GAS2L2: variants seen among roughly 807,000 people sequenced by gnomAD.
GAS2L2 encodes the protein growth arrest specific 2 like 2, also known as GAS2-like protein 2.
A neutral mutation model predicts 35.2 loss-of-function variants in GAS2L2; 21 were observed. The ratio of observed to expected loss-of-function variants is 0.60; its 90% CI spans 0.42 to 0.86. The LOEUF is 0.86. GAS2L2 is among the 40% of genes least tolerant of loss of function. The pLI is 0.00. For missense variants in GAS2L2, 1,169 were observed against 1,144.4 expected (o/e 1.02, Z -0.31); for synonymous variants, 490 against 473.2 (o/e 1.04, Z -0.46).
chr17:35,749,929 T>A, intron 2 of GAS2L2, 148 bp downstream of exon 2: 1 of 727,002 alleles, frequency 1.4e-6, no homozygotes, highest in Non-Finnish European at 2.3e-6. Flanking sequence ...AGTGGAACCG[T>A]GCCTTAAAGC....
At chr17:35,746,725 A>G (rs2085670766) in intron 5 of GAS2L2, among the ~76,000 whole-genome samples, 1 of 152,202 alleles carries the variant, frequency 6.6e-6, no homozygotes, top group Non-Finnish European at 1.5e-5. Context: ...GTGGAGAGAC[A>G]GAGGGGAATG....
Position 35,744,920 on chromosome 17 carries a change from T to G in GAS2L2, c.2577A>C (p.Pro859=). The G allele has an allele frequency of 6.2e-7, 1 of 1,613,424 alleles. No homozygotes were observed. The highest frequency in any genetic ancestry group is 8.5e-7 in the Non-Finnish European group (1 of 1,179,658). ...TAAGCCAGTGAGGTTGCAGGCCCTCTGGAGGTTGGGGGCTGCTCTCCAATG... is the reference window on the plus strand; with the variant it reads ...TAAGCCAGTGAGGTTGCAGGCCCTCGGGAGGTTGGGGGCTGCTCTCCAATG... The part of the protein sequence containing the change: ...AAPLESSPQP[P]EGLQPHWLNQ... Residue 859 remains proline, a synonymous_variant, in exon 6 of 6, where the codon CCA becomes CCC. Transcript: ENST00000604641.
intron 5 of GAS2L2, 38 bp from the exon 6 acceptor site, chr17:35,746,449 A>T (rs781944097): frequency 3.1e-6 from 4 of 1,287,514 alleles, no homozygotes; most frequent in Non-Finnish European, 4.0e-6. Flanking sequence ...AGGGAGACTC[A>T]TCAGGCCGGC....
At position 35,746,411 on chromosome 17, in the gene GAS2L2, C is replaced by T. The variant is rs2085669083; in HGVS notation, c.1086G>A (p.Arg362=). The change falls in exon 6 of 6, where the codon AGG becomes AGA. Residue 362 remains arginine, a splice_region_variant and synonymous_variant. Transcript: ENST00000604641. The part of the protein sequence containing the change: ...GASREMAPFL[R]CQERSLIPSW... ...ATGGGATGAGAGACCTCTCCTGGCA[C>T]CTGAAAGGGAGAATCACAAGGCTGC... 2.3e-6 allele frequency: 3 copies of T among 1,332,492 alleles called. No individual in the cohort carries two copies. Among genetic ancestry groups the T allele is most frequent in the Non-Finnish European group, 1.9e-6 (2 of 1,032,412 alleles). 82.5% of individuals were successfully genotyped at this position (1,332,492 alleles called of 1,614,324 possible).
At position 35,745,318 on chromosome 17, in the gene GAS2L2, A is replaced by AGT; in HGVS notation, c.2177_2178dup (p.Cys727ThrfsTer30). On this transcript the variant is annotated frameshift_variant, in exon 6 of 6. Coordinates refer to ENST00000604641, the MANE Select transcript of GAS2L2 (RefSeq NM_139285.4). LOFTEE classifies it low-confidence loss of function (END_TRUNC). ...CTGGCAGACACAGTAGAAGCCGAGC[A>AGT]GTCCTGCCCTCCCTGAGGTGGGACC... 6.2e-7 allele frequency: 1 copy of AGT among 1,611,066 alleles called. No individual in the cohort carries two copies. Among genetic ancestry groups the AGT allele is most frequent in the South Asian group, 1.1e-5 (1 of 90,752 alleles).
intron 3 of GAS2L2, among the ~76,000 whole-genome samples, chr17:35,748,830 T>C (rs587719324): frequency 6.6e-6 from 1 of 152,236 alleles, no homozygotes; most frequent in Admixed American, 6.5e-5. Flanking sequence ...GTGGTGGCTC[T>C]GGCTGCCCTG....
At chr17:35,751,741 C>A (rs1449099898) in intron 1 of GAS2L2, among the ~76,000 whole-genome samples, 2 of 151,516 alleles carry the variant, frequency 1.3e-5, no homozygotes, top group African/African-American at 2.4e-5. Flanking sequence ...TCCACCTAAT[C>A]AGGCTGCTAT....
chr17:35,745,311 G>T lies in GAS2L2; in HGVS notation c.2186C>A (p.Ala729Asp), dbSNP rs1555598704. Residue 729 changes from alanine to aspartate, a missense_variant, in exon 6 of 6, where the codon GCT becomes GAT. Physicochemically the swap from Ala to Asp is moderately radical, Grantham distance 126. This residue lies in a region of GAS2L2 where 1,035 missense variants were observed against 976.5 expected (regional missense o/e 1.06). Coordinates refer to ENST00000604641, the MANE Select transcript of GAS2L2 (RefSeq NM_139285.4). ...CTCCGGGCTGGCAGACACAGTAGAA[G>T]CCGAGCAGTCCTGCCCTCCCTGAGG... is the stretch of plus-strand genomic sequence containing the variant. Reference protein sequence around the residue: ...VPPQGGQDCSASTVSASPEAP... With the variant: ...VPPQGGQDCSDSTVSASPEAP... 1 of 1,612,222 alleles carries T rather than the reference G, an allele frequency of 6.2e-7. No homozygotes were observed. Among genetic ancestry groups the T allele is most frequent in the Non-Finnish European group, 8.5e-7 (1 of 1,178,970 alleles).
At chr17:35,748,979 C>CCATATTCT in intron 3 of GAS2L2, 131 bp downstream of exon 3, 1 of 628,610 alleles carries the variant, frequency 1.6e-6, no homozygotes, top group South Asian at 1.9e-5. Context: ...GGACAAAGTC[C>CCATATTCT]CATATTCTGG....
At chr17:35,748,853 G>A (rs992130112) in intron 3 of GAS2L2, among the ~76,000 whole-genome samples, 1 of 152,218 alleles carries the variant, frequency 6.6e-6, no homozygotes, top group Admixed American at 6.5e-5. Flanking sequence ...GGGAGGAGGA[G>A]ATAGGCTTGC....
chr17:35,744,990 C>G lies in GAS2L2; in HGVS notation c.2507G>C (p.Gly836Ala). ...EASRVDGASV[G>A]EEEEEGKEEK... Reference sequence around the variant, plus strand: ...CTCCTTTCCTTCCTCCTCCTCCTCACCTACTGAAGCTCCATCCACCCGGGA... The same window carrying G: ...CTCCTTTCCTTCCTCCTCCTCCTCAGCTACTGAAGCTCCATCCACCCGGGA... The change falls in exon 6 of 6, where the codon GGT becomes GCT. Residue 836 changes from glycine to alanine, a missense_variant. By Grantham distance (60) the Gly-to-Ala change is moderately conservative. This residue lies in a region of GAS2L2 where 1,035 missense variants were observed against 976.5 expected (regional missense o/e 1.06). Coordinates refer to ENST00000604641, the MANE Select transcript of GAS2L2 (RefSeq NM_139285.4). 6.2e-7 allele frequency: 1 copy of G among 1,614,166 alleles called. No homozygotes were observed.
rs2085709973 is a variant in GAS2L2 at position 35,752,547 on chromosome 17, C to T, written c.304G>A (p.Ala102Thr). ...MPRVGVSCNG[A>T]AQPGTFQARD... ...GCCTGGAAGGTACCTGGCTGGGCGGCCCCATTGCAGGAGACCCCGACCCGG... is the reference window on the plus strand; with the variant it reads ...GCCTGGAAGGTACCTGGCTGGGCGGTCCCATTGCAGGAGACCCCGACCCGG... Residue 102 changes from alanine (A) to threonine (T), a missense_variant, in exon 1 of 6, where the codon GCC (alanine) becomes ACC (threonine). By Grantham distance (58) the Ala-to-Thr change is moderately conservative. Around this residue, in one of 3 missense-constraint regions of GAS2L2, gnomAD observed 127 missense variants for 146.1 expected, o/e 0.87. Transcript: ENST00000604641. 1 of 1,613,486 alleles carries T rather than the reference C, an allele frequency of 6.2e-7. No homozygotes were observed.
In GAS2L2 at chr17:35,747,896, A is replaced by C. The variant is rs147743370; in HGVS notation, c.785T>G (p.Leu262Arg). The C allele has an allele frequency of 6.2e-7, 1 of 1,613,854 alleles. No individual in the cohort carries two copies. The highest frequency in any genetic ancestry group is 8.5e-7 in the Non-Finnish European group (1 of 1,179,918). Reference sequence around the variant, plus strand: ...GTCATGTTTGTCCAGGTAATGGCCCAGTGTGTCCCAGCCGCCCCCTACACG... The same window carrying C: ...GTCATGTTTGTCCAGGTAATGGCCCCGTGTGTCCCAGCCGCCCCCTACACG... ...MVRVGGGWDT[L>R]GHYLDKHDPC... Residue 262 changes from leucine (L) to arginine (R), a missense_variant, in exon 4 of 6, where the codon CTG becomes CGG. Leu to Arg is a moderately radical substitution (Grantham distance 102). Transcript: ENST00000604641.
intron 1 of GAS2L2, 22 bp downstream of exon 1, chr17:35,752,444 G>C: frequency 2.6e-6 from 4 of 1,552,574 alleles, no homozygotes; most frequent in Non-Finnish European, 3.5e-6. Flanking sequence ...CTGGAATGGG[G>C]ACGAGGGTGC....
At position 35,746,172 on chromosome 17, in the gene GAS2L2, G is replaced by A. The variant is rs144556689; in HGVS notation, c.1325C>T (p.Ala442Val). The change falls in exon 6 of 6, where the codon GCC (alanine) becomes GTC (valine). Residue 442 changes from alanine to valine, a missense_variant. Physicochemically the swap from Ala to Val is moderately conservative, Grantham distance 64. Around this residue, in one of 3 missense-constraint regions of GAS2L2, gnomAD observed 1,035 missense variants for 976.5 expected, o/e 1.06. Transcript: ENST00000604641. ...TATCCCTTTGGTGGTGGCCTCAATG[G>A]CTCGGAGTCTTTGTGGGGTGGGGTT... ...AGNPTPQRLRAIEATTKGISA... is the reference protein window; with the variant it reads ...AGNPTPQRLRVIEATTKGISA... 3 of 1,490,554 alleles carry A rather than the reference G, an allele frequency of 2.0e-6. No homozygotes were observed. The highest frequency in any genetic ancestry group is 1.8e-6 in the Non-Finnish European group (2 of 1,119,138). 92.3% of individuals were successfully genotyped at this position (1,490,554 alleles called of 1,614,324 possible).
chr17:35,748,008 C>T (rs1381680013), intron 3 of GAS2L2, 63 bp from the exon 4 acceptor site: 14 of 1,256,438 alleles, frequency 1.1e-5, no homozygotes, highest in Non-Finnish European at 1.5e-5. Flanking sequence ...TGGACCAGCT[C>T]GCGGGCTTCC....
chr17:35,749,679 A>G (rs781828058), intron 2 of GAS2L2, among the ~76,000 whole-genome samples: 82 of 152,336 alleles, frequency 5.4e-4, no homozygotes, highest in Non-Finnish European at 1.0e-3. Flanking sequence ...TACTGTCCCC[A>G]TGCTGCAGAT....
At chr17:35,750,634 G>A (rs1469344050) in intron 1 of GAS2L2, among the ~76,000 whole-genome samples, 1 of 152,130 alleles carries the variant, frequency 6.6e-6, no homozygotes, top group East Asian at 1.9e-4. Flanking sequence ...AGAGAAGGAT[G>A]AACTCCACCT....
At position 35,745,565 on chromosome 17, in the gene GAS2L2, C is replaced by T; in HGVS notation, c.1932G>A (p.Trp644Ter). ...TGTCATAAGGACCCCCAGGCTCAGG[C>T]CACTGCCCAGCCAGCCTGGGGATGT... Reference protein sequence around the residue: ...GVYIPRLAGQWPEPGGPYDKA... With the variant: ...GVYIPRLAGQ Residue 644 changes from tryptophan (W) to a stop codon, truncating the protein, a stop_gained, in exon 6 of 6, where the codon TGG becomes TGA. Coordinates refer to ENST00000604641, the MANE Select transcript of GAS2L2 (RefSeq NM_139285.4). LOFTEE classifies it low-confidence loss of function (END_TRUNC). 1 of 1,613,716 alleles carries T rather than the reference C, an allele frequency of 6.2e-7. No homozygotes were observed. The highest frequency in any genetic ancestry group is 8.5e-7 in the Non-Finnish European group (1 of 1,179,960).
Sources: gnomAD v4.1 joint callset for allele counts (sites outside exome capture counted in the v4.1 genomes callset) on GRCh38, gnomAD v4.1.1 for gene constraint, gnomAD v4.1.1 regional missense constraint, MANE v1.5 for transcripts, NCBI Gene and HGNC (gene_info 2026-07-23, HGNC 2026-07-21) for gene names.